Variants in ANXA11 observed in about 807,000 individuals in gnomAD.
ANXA11 encodes 56 kDa autoantigen.
A neutral mutation model predicts 64.7 loss-of-function variants in ANXA11; 57 were observed. That is an observed-to-expected ratio of 0.88 (90% CI 0.71 to 1.10). The LOEUF is 1.10. Among genes scored for constraint, ANXA11 ranks in the 50% least tolerant of loss-of-function variants. The pLI is 0.00. For synonymous variants in ANXA11, 260 were observed against 265.2 expected, an observed-to-expected ratio of 0.98 and a Z score of 0.19; for missense variants, 675 against 670.7, an observed-to-expected ratio of 1.01 and a Z score of -0.07.
chr10:80,163,346 C>T lies in ANXA11; in HGVS notation c.1086+3G>A, dbSNP rs1188262455. ...AGTCCAGGGGCTTGGCCATCACACT[C>T]ACCTGGGCATCTCTCTGGGCGAGTG... On this transcript the variant is annotated splice_donor_region_variant and intron_variant, in intron 11 of 15. Coordinates refer to ENST00000422982, the MANE Select transcript of ANXA11 (RefSeq NM_145868.2). The T allele has an allele frequency of 1.4e-5, 23 of 1,613,090 alleles. No homozygotes were observed. Among genetic ancestry groups the T allele is most frequent in the Non-Finnish European group, 1.9e-5 (22 of 1,180,024 alleles).
Position 80,169,186 on chromosome 10 carries a change from G to GA in ANXA11, c.343dup (p.Ser115PhefsTer82), listed in dbSNP as rs1255074705. 1 of 1,602,398 alleles carries GA rather than the reference G, an allele frequency of 6.2e-7. No homozygotes were observed. The highest frequency in any genetic ancestry group is 8.5e-7 in the Non-Finnish European group (1 of 1,175,382). ...GTATGGCGGATATGAGGGCATCCTGGAGGGTGGGTTTCCTCCTGGGGGTGG... is the reference window on the plus strand; with the variant it reads ...GTATGGCGGATATGAGGGCATCCTGGAAGGGTGGGTTTCCTCCTGGGGGTGG... On this transcript the variant is annotated frameshift_variant, in exon 5 of 16. Transcript: ENST00000422982. LOFTEE classifies it high-confidence loss of function.
intron 1 of ANXA11, among the ~76,000 whole-genome samples, chr10:80,189,922 A>G (rs1846696954): frequency 6.6e-6 from 1 of 152,234 alleles, no homozygotes; most frequent in Non-Finnish European, 1.5e-5. Flanking sequence ...TAAAAAGAGA[A>G]TATCATTCAG....
At chr10:80,178,936 CCA>C (rs1276889841) in intron 1 of ANXA11, among the ~76,000 whole-genome samples, 2 of 152,200 alleles carry the variant, frequency 1.3e-5, no homozygotes, top group African/African-American at 4.8e-5. Context: ...GTTCTGTGGT[CCA>C]CACTCTAGGA....
chr10:80,171,787 A>G (rs760212015), intron 3 of ANXA11: 2 of 985,544 alleles, frequency 2.0e-6, no homozygotes, highest in Non-Finnish European at 2.4e-6. Flanking sequence ...TGCTGCTCAG[A>G]GGCTGCTCAG....
At chr10:80,160,673 T>C (rs765086732) in intron 12 of ANXA11, among the ~76,000 whole-genome samples, 4 of 152,104 alleles carry the variant, frequency 2.6e-5, no homozygotes, top group Non-Finnish European at 5.9e-5. Context: ...GTCTCCCTCC[T>C]GAGGGGACCT....
intron 1 of ANXA11, among the ~76,000 whole-genome samples, chr10:80,190,691 C>T (rs11499001): frequency 1 from 150,360 of 150,852 alleles, 74,935 homozygotes; most frequent in Middle Eastern, 1. Context: ...TTCACCATGT[C>T]AGCCAAGATG....
chr10:80,173,651 C>T (rs916110711), intron 2 of ANXA11, among the ~76,000 whole-genome samples: 1 of 152,188 alleles, frequency 6.6e-6, no homozygotes, highest in African/African-American at 2.4e-5. Context: ...AGGAGGGACA[C>T]AGATCTGCTG....
chr10:80,163,658 T>C (rs528771534), intron 9 of ANXA11, 45 bp from the exon 10 acceptor site: 3 of 1,496,816 alleles, frequency 2.0e-6, no homozygotes, highest in African/African-American at 2.8e-5. Flanking sequence ...GCTCTCTTTA[T>C]GGAGCTGCCC....
At position 80,166,197 on chromosome 10, in the gene ANXA11, C is replaced by T; in HGVS notation, c.745G>A (p.Asp249Asn). The change falls in exon 8 of 16, where the codon GAT (aspartate) becomes AAT (asparagine). Residue 249 changes from aspartate (D) to asparagine (N), a missense_variant and splice_region_variant. Physicochemically the swap from Asp to Asn is conservative, Grantham distance 23. Transcript: ENST00000422982. ...TCAGATTTCAGATCTTTGATCAAAT[C>T]CTGATTGGATATTCAAACAAACAAC... Reference protein sequence around the residue: ...LLSFKTAYGKDLIKDLKSELS... With the variant: ...LLSFKTAYGKNLIKDLKSELS... 6.4e-7 allele frequency: 1 copy of T among 1,566,784 alleles called. No individual in the cohort carries two copies. The highest frequency in any genetic ancestry group is 8.7e-7 in the Non-Finnish European group (1 of 1,143,536).
chr10:80,198,700 C>T (rs1034782984), intron 1 of ANXA11, among the ~76,000 whole-genome samples: 2 of 152,122 alleles, frequency 1.3e-5, no homozygotes, highest in African/African-American at 4.8e-5. Context: ...TCTCATGGAA[C>T]ACACACTTAA....
chr10:80,159,552 C>T (rs900935090), intron 12 of ANXA11, among the ~76,000 whole-genome samples: 2 of 152,156 alleles, frequency 1.3e-5, no homozygotes, highest in Non-Finnish European at 2.9e-5. Context: ...CTTAAGCCAC[C>T]CAGTCTGTGG....
intron 1 of ANXA11, among the ~76,000 whole-genome samples, chr10:80,179,334 TA>T (rs1846278020): frequency 1.3e-5 from 2 of 152,228 alleles, no homozygotes; most frequent in South Asian, 4.1e-4. Context: ...AAAATGCTGG[TA>T]CCTTGGCTCC....
chr10:80,198,309 C>T (rs1840263052), intron 1 of ANXA11, among the ~76,000 whole-genome samples: 1 of 152,234 alleles, frequency 6.6e-6, no homozygotes, highest in Non-Finnish European at 1.5e-5. Context: ...TCTGTTCTCT[C>T]TTGCTTTAGT....
chr10:80,173,819 C>A (rs1426451800), intron 2 of ANXA11, among the ~76,000 whole-genome samples: 1 of 152,226 alleles, frequency 6.6e-6, no homozygotes, highest in African/African-American at 2.4e-5. Flanking sequence ...TCTTTTTACA[C>A]ACTGGGTTTC....
rs112473022 is a variant in ANXA11 at position 80,185,751 on chromosome 10, C to T, written c.-57-9596G>A. Among the ~76,000 whole-genome samples, 709 of 152,314 alleles carry T rather than the reference C, an allele frequency of 4.7e-3. 8 individuals are homozygous for T. The highest frequency in any genetic ancestry group is 0.016 in the African/African-American group (674 of 41,540). ...AGGGACAGAGAGGCTGTGTAACTTG[C>T]TCAAGGTTATAGCTATTGAATGGCT... On this transcript the variant is annotated intron_variant, in intron 1 of 15. Transcript: ENST00000422982.
intron 1 of ANXA11, among the ~76,000 whole-genome samples, chr10:80,177,514 A>G (rs1007214282): frequency 1.3e-5 from 2 of 151,960 alleles, no homozygotes; most frequent in Admixed American, 1.3e-4. Flanking sequence ...AACATCAAAC[A>G]TCTTCCCCCT....
intron 1 of ANXA11, among the ~76,000 whole-genome samples, chr10:80,181,673 G>C (rs1216489108): frequency 6.6e-6 from 1 of 152,084 alleles, no homozygotes; most frequent in East Asian, 1.9e-4. Context: ...ATATAAGGTG[G>C]CAAATAAGCA....
intron 12 of ANXA11, among the ~76,000 whole-genome samples, chr10:80,160,766 C>T (rs1403118666): frequency 6.6e-6 from 1 of 152,180 alleles, no homozygotes; most frequent in African/African-American, 2.4e-5. Flanking sequence ...CTCCTGACCT[C>T]CACACTCAGC....
chr10:80,198,750 T>TGTGA (rs1840280224), intron 1 of ANXA11, among the ~76,000 whole-genome samples: 1 of 147,590 alleles, frequency 6.8e-6, no homozygotes, highest in Non-Finnish European at 1.5e-5. Context: ...AGAGAGTGAG[T>TGTGA]GAGAGAGAGA....
Sources: allele counts gnomAD v4.1 joint callset (sites outside exome capture counted in the v4.1 genomes callset), GRCh38; gene constraint gnomAD v4.1.1; transcripts MANE v1.5; gene names NCBI Gene and HGNC (gene_info 2026-07-23, HGNC 2026-07-21).